Variants in UNC5D observed in about 807,000 individuals in gnomAD.
UNC5D encodes netrin receptor UNC5D.
A neutral mutation model predicts 105.4 loss-of-function variants in UNC5D; 39 were observed. The observed-to-expected ratio is 0.37, with a 90% CI of 0.29 to 0.48. The LOEUF is 0.48. Among genes scored for constraint, UNC5D ranks in the 20% least tolerant of loss-of-function variants. The pLI, the probability that UNC5D is intolerant of heterozygous loss-of-function variation, is 0.98. For missense variants in UNC5D, 991 were observed against 1,202.4 expected, an observed-to-expected ratio of 0.82 and a Z score of 2.60; for synonymous variants, 452 against 450.4, an observed-to-expected ratio of 1.00 and a Z score of -0.04.
At chr8:35,760,256 T>C (rs1355536782) in intron 14 of UNC5D, among the ~76,000 whole-genome samples, 3 of 152,092 alleles carry the variant, frequency 2.0e-5, no homozygotes, top group Admixed American at 2.0e-4. Flanking sequence ...TTGGCCAGAC[T>C]GGTCTTGAAC....
At chr8:35,746,940 AG>A (rs1276203300) in intron 11 of UNC5D, among the ~76,000 whole-genome samples, 1 of 152,152 alleles carries the variant, frequency 6.6e-6, no homozygotes, top group Non-Finnish European at 1.5e-5. Flanking sequence ...CCAAACCTTG[AG>A]TATGTTATTC....
chr8:35,695,103 G>C (rs1389127015), intron 7 of UNC5D, among the ~76,000 whole-genome samples: 1 of 152,104 alleles, frequency 6.6e-6, no homozygotes, highest in Non-Finnish European at 1.5e-5. Flanking sequence ...CTATTTTTGA[G>C]CAGTAATTTG....
rs187097903 is a variant in UNC5D at position 35,658,102 on chromosome 8, T to C, written c.571-25445T>C. 4.7e-4 allele frequency among the ~76,000 whole-genome samples: 71 copies of C among 152,346 alleles called. 1 individual carries two copies. The highest frequency in any genetic ancestry group is 2.9e-3 in the Admixed American group (44 of 15,308). On this transcript the variant is annotated intron_variant, in intron 4 of 16. Transcript: ENST00000404895. ...CTAATCCCTAACAGAATTCGTATTTTCCTAGGTTTTGTTCCTCTTTGAGGT... is the reference window on the plus strand; with the variant it reads ...CTAATCCCTAACAGAATTCGTATTTCCCTAGGTTTTGTTCCTCTTTGAGGT...
intron 4 of UNC5D, among the ~76,000 whole-genome samples, chr8:35,661,768 A>T (rs2131234359): frequency 6.6e-6 from 1 of 152,282 alleles, no homozygotes; most frequent in Admixed American, 6.5e-5. Flanking sequence ...AACCATCCTC[A>T]GTCACAGGTG....
chr8:35,759,954 T>C (rs916668502), intron 14 of UNC5D, among the ~76,000 whole-genome samples: 1 of 152,082 alleles, frequency 6.6e-6, no homozygotes, highest in Non-Finnish European at 1.5e-5. Context: ...ATATATGAAG[T>C]GTACTTGCTT....
intron 1 of UNC5D, among the ~76,000 whole-genome samples, chr8:35,465,831 A>T (rs149899947): frequency 6.6e-6 from 1 of 152,268 alleles, no homozygotes; most frequent in East Asian, 1.9e-4. Flanking sequence ...AGAGGAAAGC[A>T]GAGGAGAGGA....
At chr8:35,605,793 A>C (rs968906884) in intron 4 of UNC5D, among the ~76,000 whole-genome samples, 1 of 152,220 alleles carries the variant, frequency 6.6e-6, no homozygotes, top group Non-Finnish European at 1.5e-5. Flanking sequence ...TTAATAGTAA[A>C]GAGCACCTCA....
chr8:35,764,561 T>G (rs1253686077), intron 14 of UNC5D, among the ~76,000 whole-genome samples: 1 of 152,162 alleles, frequency 6.6e-6, no homozygotes, highest in African/African-American at 2.4e-5. Context: ...TTGGAGTATT[T>G]TAGAGAAAAT....
chr8:35,279,458 G>T (rs1168580479), intron 1 of UNC5D, among the ~76,000 whole-genome samples: 1 of 152,084 alleles, frequency 6.6e-6, no homozygotes, highest in East Asian at 1.9e-4. Context: ...ATTCCATGTG[G>T]GTGGCAAATT....
chr8:35,514,297 C>T (rs1390582304), intron 1 of UNC5D, among the ~76,000 whole-genome samples: 1 of 152,190 alleles, frequency 6.6e-6, no homozygotes, highest in Non-Finnish European at 1.5e-5. Context: ...GTCAGCCTCC[C>T]ATGCCATCAC....
At chr8:35,485,818 A>G (rs1313618303) in intron 1 of UNC5D, among the ~76,000 whole-genome samples, 1 of 152,192 alleles carries the variant, frequency 6.6e-6, no homozygotes, top group African/African-American at 2.4e-5. Context: ...AATCAAATGA[A>G]ATAACATATG....
At chr8:35,493,186 C>A (rs140530099) in intron 1 of UNC5D, among the ~76,000 whole-genome samples, 112 of 147,562 alleles carry the variant, frequency 7.6e-4, no homozygotes, top group Non-Finnish European at 2.2e-4. Context: ...TACTTTGGGG[C>A]GGCATTCTCT....
intron 2 of UNC5D, among the ~76,000 whole-genome samples, chr8:35,559,934 C>T (rs369363423): frequency 3.9e-5 from 6 of 152,144 alleles, no homozygotes; most frequent in Non-Finnish European, 8.8e-5. Flanking sequence ...ATAAAGCTGA[C>T]AAATGATGAA....
chr8:35,614,594 C>A (rs192449496), intron 4 of UNC5D, among the ~76,000 whole-genome samples: 17 of 151,698 alleles, frequency 1.1e-4, no homozygotes. Context: ...ACTAGTTAAA[C>A]GCTAGTAATT....
chr8:35,763,007 ATTAC>A lies in UNC5D; in HGVS notation c.2313+3541_2313+3544del, dbSNP rs1801610282. Among the ~76,000 whole-genome samples, 8 of 152,270 alleles carry A rather than the reference ATTAC, an allele frequency of 5.3e-5. No individual in the cohort carries two copies. The South Asian group carries it at 1.7e-3, about 32-fold the overall frequency. On this transcript the variant is annotated intron_variant, in intron 14 of 16. Coordinates refer to ENST00000404895, the MANE Select transcript of UNC5D (RefSeq NM_080872.4). ...ACTTTGCTACAATTTCTCCTCCCAT[ATTAC>A]TTTCCACATAATTCCTCTCAGCTCA...
At chr8:35,649,965 G>A (rs768176225) in intron 4 of UNC5D, among the ~76,000 whole-genome samples, 11 of 152,086 alleles carry the variant, frequency 7.2e-5, no homozygotes, top group Non-Finnish European at 1.3e-4. Flanking sequence ...TATGAATGAA[G>A]CCTGCAGTTT....
At chr8:35,268,785 C>T (rs1250383144) in intron 1 of UNC5D, among the ~76,000 whole-genome samples, 1 of 152,112 alleles carries the variant, frequency 6.6e-6, no homozygotes, top group East Asian at 1.9e-4. Flanking sequence ...CTGTTTATCT[C>T]TGCCTTAAGG....
chr8:35,311,335 A>T (rs1808867071), intron 1 of UNC5D, among the ~76,000 whole-genome samples: 1 of 152,034 alleles, frequency 6.6e-6, no homozygotes, highest in South Asian at 2.1e-4. Flanking sequence ...TTTTCAGAGG[A>T]GCGATGTGAT....
At chr8:35,527,060 C>T (rs910888090) in intron 1 of UNC5D, among the ~76,000 whole-genome samples, 3 of 151,864 alleles carry the variant, frequency 2.0e-5, no homozygotes, top group Non-Finnish European at 4.4e-5. Context: ...AAAAATGACA[C>T]GTATCGCTTG....
Sources: gnomAD v4.1 joint callset for allele counts (sites outside exome capture counted in the v4.1 genomes callset) on GRCh38, gnomAD v4.1.1 for gene constraint, MANE v1.5 for transcripts, NCBI Gene and HGNC (gene_info 2026-07-23, HGNC 2026-07-21) for gene names.